Variants in PSD3 observed in about 807,000 individuals in gnomAD.
PSD3 encodes pleckstrin and Sec7 domain containing 3, also known as PH and SEC7 domain-containing protein 3.
PSD3 carries 49 observed loss-of-function variants against 105.5 expected under a neutral mutation model. The observed-to-expected ratio is 0.46, with a 90% CI of 0.37 to 0.59. The LOEUF (loss-of-function observed/expected upper bound fraction) is 0.59, where lower values mean the gene tolerates loss of function less well. Ranked by LOEUF, PSD3 falls within the 20% of genes least tolerant of loss-of-function variation. The pLI, the probability that PSD3 is intolerant of heterozygous loss-of-function variation, is 0.00. For synonymous variants in PSD3, 557 were observed against 457.8 expected, an observed-to-expected ratio of 1.22 and a Z score of -2.77; for missense variants, 1,561 against 1,263.8, an observed-to-expected ratio of 1.24 and a Z score of -3.57.
chr8:18,857,497 C>G (rs1317598972), intron 4 of PSD3, among the ~76,000 whole-genome samples: 1 of 152,162 alleles, frequency 6.6e-6, no homozygotes, highest in Non-Finnish European at 1.5e-5. Context: ...CTATCCATGT[C>G]CAGGTGCCAC....
At chr8:19,069,995 C>A (rs7386619) in intron 1 of PSD3, among the ~76,000 whole-genome samples, 144,778 of 150,350 alleles carry the variant, frequency 0.96, 69,984 homozygotes, top group East Asian at 1. Context: ...ACCAGGCTGG[C>A]GTGCAGTGGC....
At chr8:18,782,853 G>A (rs1262293568) in intron 8 of PSD3, among the ~76,000 whole-genome samples, 1 of 152,140 alleles carries the variant, frequency 6.6e-6, no homozygotes, top group Non-Finnish European at 1.5e-5. Context: ...CAGCTGGGTG[G>A]CACATGGCCG....
rs181904591 is a variant in PSD3 at position 18,737,193 on chromosome 8, C to T, written c.2172+28256G>A. 1.5e-3 allele frequency among the ~76,000 whole-genome samples: 230 copies of T among 152,172 alleles called. 2 individuals carry two copies. The highest frequency in any genetic ancestry group is 4.5e-3 in the African/African-American group (186 of 41,448). On this transcript the variant is annotated intron_variant, in intron 9 of 15. Transcript: ENST00000327040. ...TGTTTTCTTTAGTCTTTGTAATTGT[C>T]CCAGGTAGTTCTAACATATAGCCAC... is the stretch of plus-strand genomic sequence containing the variant.
At chr8:18,907,771 T>A (rs1438552665) in intron 2 of PSD3, among the ~76,000 whole-genome samples, 1 of 152,134 alleles carries the variant, frequency 6.6e-6, no homozygotes, top group Non-Finnish European at 1.5e-5. Flanking sequence ...ACCAACAGAG[T>A]AACAACCCCG....
chr8:18,897,346 T>C (rs1441743121), intron 2 of PSD3, among the ~76,000 whole-genome samples: 5 of 152,158 alleles, frequency 3.3e-5, no homozygotes. Context: ...TTTTTCTGGG[T>C]TCTATATTCT....
rs145817322 is a variant in PSD3, at chr8:18,700,434, T to C, written c.2173-44749A>G. Among the ~76,000 whole-genome samples, 42 of 152,332 alleles carry C rather than the reference T, an allele frequency of 2.8e-4. 1 individual carries two copies. In the East Asian group the frequency reaches 5.8e-3, roughly 21 times the overall value. On this transcript the variant is annotated intron_variant, in intron 9 of 15. Transcript: ENST00000327040. The stretch of plus-strand genomic sequence containing the variant: ...CTTAAGGATCAAGCTCTTAAAGATA[T>C]AACATACTGCTGAAATAGTGTGAAC...
At chr8:19,008,343 G>A (rs988024068) in intron 1 of PSD3, among the ~76,000 whole-genome samples, 1 of 152,182 alleles carries the variant, frequency 6.6e-6, no homozygotes, top group African/African-American at 2.4e-5. Context: ...GGACATGAAG[G>A]CAGAGTCAGA....
rs1222742268 is a variant in PSD3, at chr8:18,572,585, G to T, written c.2727C>A (p.Gly909=). 1 of 1,614,096 alleles carries T rather than the reference G, an allele frequency of 6.2e-7. No homozygotes were observed. The highest frequency in any genetic ancestry group is 2.2e-5 in the East Asian group (1 of 44,874). Residue 909 remains glycine, a synonymous_variant, in exon 14 of 16, where the codon GGC becomes GGA. Transcript: ENST00000327040. ...FSAPPFPAAI[G]SQKKFSRPLL... ...GTGGGCGGCTAAACTTCTTCTGAGA[G>T]CCGATTGCTGCTGGAAATGGTGGTG...
intron 8 of PSD3, among the ~76,000 whole-genome samples, chr8:18,788,611 T>G (rs1214042868): frequency 6.6e-6 from 1 of 152,176 alleles, no homozygotes; most frequent in Admixed American, 6.5e-5. Context: ...TTTGATAGTG[T>G]CAGGTCTGGA....
At chr8:19,069,372 G>A (rs906247875) in intron 1 of PSD3, among the ~76,000 whole-genome samples, 8 of 152,096 alleles carry the variant, frequency 5.3e-5, no homozygotes, top group Non-Finnish European at 1.0e-4. Flanking sequence ...TCCAATGGGG[G>A]AAGGGAAAGG....
At chr8:18,651,674 A>T (rs1808492431) in intron 10 of PSD3, among the ~76,000 whole-genome samples, 4 of 152,228 alleles carry the variant, frequency 2.6e-5, no homozygotes, top group African/African-American at 9.6e-5. Flanking sequence ...TGGTGTCATC[A>T]GATAAAGTAA....
intron 1 of PSD3, among the ~76,000 whole-genome samples, chr8:19,000,234 T>C (rs1826299874): frequency 6.6e-6 from 1 of 151,062 alleles, no homozygotes; most frequent in Non-Finnish European, 1.5e-5. Context: ...CTACAAAAAG[T>C]TAAAATACAA....
rs1274149015 is a variant in PSD3 at position 18,937,416 on chromosome 8, A to G, written c.22-1274T>C. Among the ~76,000 whole-genome samples the G allele has an allele frequency of 3.3e-5, 5 of 152,322 alleles. No individual in the cohort carries two copies. In the South Asian group the frequency reaches 8.3e-4, roughly 25 times the overall value. On this transcript the variant is annotated intron_variant, in intron 1 of 15. Coordinates refer to ENST00000327040, the MANE Select transcript of PSD3 (RefSeq NM_015310.4). ...GGGTTTTAACAGCAACGAAGTAACTATTTCAAAGAGGGAAATGTTAGTATT... is the reference window on the plus strand; with the variant it reads ...GGGTTTTAACAGCAACGAAGTAACTGTTTCAAAGAGGGAAATGTTAGTATT...
At chr8:18,758,637 C>G (rs952017324) in intron 9 of PSD3, among the ~76,000 whole-genome samples, 42 of 152,070 alleles carry the variant, frequency 2.8e-4, no homozygotes, top group African/African-American at 1.0e-3. Context: ...ATGTTTCTTC[C>G]TTATCCAAAA....
chr8:18,866,564 T>G (rs971558456), intron 4 of PSD3, among the ~76,000 whole-genome samples: 1 of 152,206 alleles, frequency 6.6e-6, no homozygotes, highest in East Asian at 1.9e-4. Flanking sequence ...TTTTGACACC[T>G]TGTTCTTTTT....
intron 9 of PSD3, among the ~76,000 whole-genome samples, chr8:18,683,526 G>T (rs1375046553): frequency 1.3e-5 from 2 of 152,150 alleles, no homozygotes; most frequent in African/African-American, 4.8e-5. Context: ...ATCTCATTTT[G>T]AGCACGGCTT....
At chr8:18,587,364 T>C (rs894891883) in intron 12 of PSD3, among the ~76,000 whole-genome samples, 3 of 152,186 alleles carry the variant, frequency 2.0e-5, no homozygotes, top group African/African-American at 7.2e-5. Context: ...TGGGACACTT[T>C]ATGACATTGT....
intron 1 of PSD3, among the ~76,000 whole-genome samples, chr8:19,035,587 G>C (rs1468262022): frequency 6.6e-6 from 1 of 151,756 alleles, no homozygotes; most frequent in African/African-American, 2.4e-5. Flanking sequence ...TTGTTATGTT[G>C]ATCAGGCTGG....
At chr8:18,895,524 A>C (rs532940424) in intron 2 of PSD3, among the ~76,000 whole-genome samples, 1 of 152,268 alleles carries the variant, frequency 6.6e-6, no homozygotes, top group African/African-American at 2.4e-5. Flanking sequence ...CAACCCTAAC[A>C]AGTCTCCCTC....
Sources: gnomAD v4.1 joint callset for allele counts (sites outside exome capture counted in the v4.1 genomes callset) on GRCh38, gnomAD v4.1.1 for gene constraint, MANE v1.5 for transcripts, NCBI Gene and HGNC (gene_info 2026-07-23, HGNC 2026-07-21) for gene names.